The following TGFBR1 variants were observed in gnomAD, a reference collection of about 807,000 sequenced individuals.
TGFBR1 encodes the protein transforming growth factor beta receptor 1.
Under a neutral mutation model 55.1 loss-of-function variants are expected in TGFBR1, and 20 were observed. That is an observed-to-expected ratio of 0.36 (90% CI 0.26 to 0.53). The LOEUF (loss-of-function observed/expected upper bound fraction) is 0.53, where lower values mean the gene tolerates loss of function less well. Ranked by LOEUF, TGFBR1 falls within the 20% of genes least tolerant of loss-of-function variation. TGFBR1 has a pLI of 0.91. For missense variants in TGFBR1, 385 were observed against 617.6 expected (o/e 0.62, Z 3.99); for synonymous variants, 220 against 214.8 (o/e 1.02, Z -0.21).
At chr9:99,105,041 C>T, upstream of TGFBR1, 1 of 458,674 alleles carries the variant, frequency 2.2e-6, no homozygotes, top group Non-Finnish European at 3.0e-6. Context: ...GGAGGCGGGG[C>T]CGGCGGGAGC....
intron 1 of TGFBR1, among the ~76,000 whole-genome samples, chr9:99,116,388 G>A (rs1478037673): frequency 2.0e-5 from 3 of 152,158 alleles, no homozygotes; most frequent in African/African-American, 7.2e-5. Flanking sequence ...CAGATGGTGT[G>A]TCCCTGAGGA....
rs112838602 is a variant in TGFBR1, at chr9:99,111,604, G to A, written c.97+6302G>A. On this transcript the variant is annotated intron_variant, in intron 1 of 8. Coordinates refer to ENST00000374994, the MANE Select transcript of TGFBR1 (RefSeq NM_004612.4). ...AGATTGCGCCACTGCACTCCAGCCC[G>A]GGCGACAGAGTGAAACTCCATCTCA... Among the ~76,000 whole-genome samples, 509 of 151,998 alleles carry A rather than the reference G, an allele frequency of 3.3e-3. 1 individual carries two copies. Among genetic ancestry groups the A allele is most frequent in the Non-Finnish European group, 4.7e-3 (320 of 67,978 alleles).
At chr9:99,116,027 T>A (rs1219475068) in intron 1 of TGFBR1, among the ~76,000 whole-genome samples, 1 of 152,176 alleles carries the variant, frequency 6.6e-6, no homozygotes, top group Non-Finnish European at 1.5e-5. Flanking sequence ...TCCTTTTTTC[T>A]CCCTTTCCAT....
chr9:99,111,295 C>CTTTTTTTTTT lies in TGFBR1; in HGVS notation c.97+6014_97+6023dup, dbSNP rs3034196. Among the ~76,000 whole-genome samples, 22 of 55,152 alleles carry CTTTTTTTTTT rather than the reference C, an allele frequency of 4.0e-4. 3 individuals carry two copies. Among genetic ancestry groups the CTTTTTTTTTT allele is most frequent in the African/African-American group, 1.6e-3 (21 of 13,042 alleles). The allele number at this position is 55,152 out of a possible 152,430, so 36.2% of individuals were successfully genotyped here. Reference sequence around the variant, plus strand: ...ACATTTGGCATATCCTGCACCCATGCTTTTTTTTTTTTTTTTTTTTTTTTT... The same window carrying CTTTTTTTTTT: ...ACATTTGGCATATCCTGCACCCATGCTTTTTTTTTTTTTTTTTTTTTTTTTTTTTTTTTTT... On this transcript the variant is annotated intron_variant, in intron 1 of 8. Coordinates refer to ENST00000374994, the MANE Select transcript of TGFBR1 (RefSeq NM_004612.4).
chr9:99,128,645 C>G, intron 1 of TGFBR1: 1 of 722,266 alleles, frequency 1.4e-6, no homozygotes, highest in Non-Finnish European at 2.4e-6. Flanking sequence ...AATGTTGCTA[C>G]ATTTCCTTGG....
intron 1 of TGFBR1, among the ~76,000 whole-genome samples, chr9:99,107,588 CT>C (rs1826449985): frequency 6.6e-6 from 1 of 152,336 alleles, no homozygotes; most frequent in East Asian, 1.9e-4. Flanking sequence ...TTAATCCTGC[CT>C]GTTATCCTCC....
chr9:99,150,094 G>A lies in TGFBR1; in HGVS notation c.*789G>A, dbSNP rs200428927. On this transcript the variant is annotated 3_prime_UTR_variant, in exon 9 of 9. Coordinates refer to ENST00000374994, the MANE Select transcript of TGFBR1 (RefSeq NM_004612.4). ...GTTTTGTTTTTGGAAGGGTTTTTGT[G>A]GTATGTCATTTGGTATTCTATTCTG... 1.9e-4 allele frequency: 35 copies of A among 187,974 alleles called. No homozygotes were observed. In the South Asian group the frequency reaches 6.9e-3, roughly 37 times the overall value. 11.6% of individuals were successfully genotyped at this position (187,974 alleles called of 1,614,324 possible).
intron 1 of TGFBR1, chr9:99,128,615 C>G: frequency 1.6e-6 from 1 of 621,020 alleles, no homozygotes; most frequent in South Asian, 1.6e-5. Flanking sequence ...CAAAAAACTT[C>G]AGGAAAAAAC....
intron 5 of TGFBR1, 93 bp downstream of exon 5, chr9:99,142,796 T>C (rs1315826311): frequency 7.7e-6 from 11 of 1,432,976 alleles, no homozygotes; most frequent in Non-Finnish European, 1.1e-5. Context: ...TGGTGGCTCA[T>C]GCCTATAATC....
At chr9:99,130,735 T>C (rs780293034) in intron 2 of TGFBR1, among the ~76,000 whole-genome samples, 4 of 152,196 alleles carry the variant, frequency 2.6e-5, no homozygotes, top group Non-Finnish European at 5.9e-5. Flanking sequence ...ATAGATTAGA[T>C]GTCATCCTGT....
At chr9:99,125,696 C>G (rs935756443) in intron 1 of TGFBR1, among the ~76,000 whole-genome samples, 2 of 152,206 alleles carry the variant, frequency 1.3e-5, no homozygotes, top group South Asian at 2.1e-4. Flanking sequence ...GCTGAAGAAG[C>G]AGCAGTGAAA....
Position 99,132,645 on chromosome 9 carries a change from T to C in TGFBR1, c.480T>C (p.Asn160=), listed in dbSNP as rs1234201885. The C allele has an allele frequency of 1.2e-6, 2 of 1,614,050 alleles. No homozygotes were observed. The change falls in exon 3 of 9, where the codon AAT becomes AAC. Residue 160 remains asparagine, a synonymous_variant. Transcript: ENST00000374994. ...CTGTCATTCACCATCGAGTGCCAAA[T>C]GAAGAGGACCCTTCATTAGATCGCC... is the stretch of plus-strand genomic sequence containing the variant. ...NRTVIHHRVP[N]EEDPSLDRPF...
At chr9:99,129,139 A>G in intron 2 of TGFBR1, 39 bp downstream of exon 2, 1 of 1,602,088 alleles carries the variant, frequency 6.2e-7, no homozygotes, top group Non-Finnish European at 8.5e-7. Context: ...TACTACAAGA[A>G]AAACTCTTCA....
intron 1 of TGFBR1, among the ~76,000 whole-genome samples, chr9:99,126,736 C>G (rs549108313): frequency 1.3e-5 from 2 of 152,292 alleles, no homozygotes; most frequent in East Asian, 3.9e-4. Flanking sequence ...AAATCATACC[C>G]AGACAGCCAT....
chr9:99,153,332 A>G lies in TGFBR1; in HGVS notation c.*4027A>G, dbSNP rs201535475. ...TGTTTATATTTGTACCCCAAATAAC[A>G]TCGTCTGTACTTTCTGTTTTCTGTA... On this transcript the variant is annotated 3_prime_UTR_variant, in exon 9 of 9. Coordinates refer to ENST00000374994, the MANE Select transcript of TGFBR1 (RefSeq NM_004612.4). The G allele has an allele frequency of 6.0e-5, 13 of 217,832 alleles. No individual in the cohort carries two copies. Among genetic ancestry groups the G allele is most frequent in the Middle Eastern group, 1.4e-3 (1 of 694 alleles). The allele number at this position is 217,832 out of a possible 1,614,324, so 13.5% of individuals were successfully genotyped here.
intron 1 of TGFBR1, among the ~76,000 whole-genome samples, chr9:99,112,105 G>T (rs1392573859): frequency 6.6e-6 from 1 of 152,150 alleles, no homozygotes; most frequent in East Asian, 1.9e-4. Flanking sequence ...GAGAATTATG[G>T]GCCTTGAAAA....
intron 1 of TGFBR1, chr9:99,128,582 CAA>C: frequency 4.1e-6 from 2 of 488,448 alleles, no homozygotes; most frequent in Non-Finnish European, 7.6e-6. Flanking sequence ...TTGAACATAA[CAA>C]AATTTTTCTA....
chr9:99,145,067 A>T (rs1827749647), intron 6 of TGFBR1, among the ~76,000 whole-genome samples, 179 bp downstream of exon 6: 2 of 152,232 alleles, frequency 1.3e-5, no homozygotes. Flanking sequence ...ACTTAAAAAG[A>T]TGCCTGCTGA....
At chr9:99,105,071 C>T (rs1247761143), upstream of TGFBR1, 8 of 634,936 alleles carry the variant, frequency 1.3e-5, no homozygotes, top group Non-Finnish European at 1.6e-5. Context: ...AATGGACGCG[C>T]GTCCTCCGAG....
Sources: gnomAD v4.1 joint callset for allele counts (sites outside exome capture counted in the v4.1 genomes callset) on GRCh38, gnomAD v4.1.1 for gene constraint, MANE v1.5 for transcripts, NCBI Gene and HGNC (gene_info 2026-07-23, HGNC 2026-07-21) for gene names.